Variants in KDM4C observed in about 807,000 individuals in gnomAD.
The protein encoded by KDM4C is lysine-specific demethylase 4C.
In KDM4C, 81 loss-of-function variants were observed where a neutral mutation model predicts 129.3. The observed-to-expected ratio is 0.63, with a 90% CI of 0.52 to 0.75. The LOEUF (loss-of-function observed/expected upper bound fraction) is 0.75, where lower values mean the gene tolerates loss of function less well. KDM4C is among the 30% of genes least tolerant of loss of function. KDM4C has a pLI of 0.00. For synonymous variants in KDM4C, 573 were observed against 456.1 expected, an observed-to-expected ratio of 1.26 and a Z score of -3.26; for missense variants, 1,457 against 1,304.0, an observed-to-expected ratio of 1.12 and a Z score of -1.81.
intron 11 of KDM4C, among the ~76,000 whole-genome samples, chr9:6,989,176 AT>A (rs1818291591): frequency 1.3e-5 from 2 of 152,138 alleles, no homozygotes; most frequent in South Asian, 4.1e-4. Flanking sequence ...TGCATTTGTC[AT>A]TCTTTTCTTA....
Position 7,105,930 on chromosome 9 carries a change from T to C in KDM4C, c.2610+2060T>C, listed in dbSNP as rs115620966. On this transcript the variant is annotated intron_variant, in intron 18 of 21. Coordinates refer to ENST00000381309, the MANE Select transcript of KDM4C (RefSeq NM_015061.6). ...GTCTCCTACAGATCCACTTTCAGCT[T>C]GGTATACTTTGTAAAGACTGGGGAA... is the stretch of plus-strand genomic sequence containing the variant. Among the ~76,000 whole-genome samples the C allele has an allele frequency of 4.6e-3, 706 of 152,308 alleles. 5 individuals carry two copies. Among genetic ancestry groups the C allele is most frequent in the African/African-American group, 0.016 (684 of 41,564 alleles).
At chr9:6,846,635 T>A (rs550373240) in intron 4 of KDM4C, among the ~76,000 whole-genome samples, 1 of 152,228 alleles carries the variant, frequency 6.6e-6, no homozygotes, top group Non-Finnish European at 1.5e-5. Flanking sequence ...AAATTACTTT[T>A]TAGCAACCTT....
chr9:7,009,872 C>T (rs906150159), intron 12 of KDM4C, among the ~76,000 whole-genome samples: 1 of 152,078 alleles, frequency 6.6e-6, no homozygotes, highest in Non-Finnish European at 1.5e-5. Context: ...GAACATTTCT[C>T]ATAGACTCAG....
At position 6,732,181 on chromosome 9, in the gene KDM4C, A is replaced by G. The variant is rs528085115; in HGVS notation, c.49+11184A>G. Among the ~76,000 whole-genome samples the G allele has an allele frequency of 2.2e-4, 34 of 151,616 alleles. 1 individual carries two copies. In the South Asian group the frequency reaches 5.5e-3, roughly 24 times the overall value. ...GGAGATTGAGACCATCCTGGCTAAC[A>G]CAGTGAAACCCCATCTTTACTAAAA... On this transcript the variant is annotated intron_variant, in intron 1 of 17. Transcript: ENST00000536108.
intron 17 of KDM4C, among the ~76,000 whole-genome samples, chr9:7,103,310 A>C (rs780471390): frequency 2.0e-5 from 3 of 152,196 alleles, no homozygotes; most frequent in Non-Finnish European, 4.4e-5. Flanking sequence ...GCACAGAAAG[A>C]CCTGTCATGC....
At chr9:6,766,371 A>G (rs921118856) in intron 1 of KDM4C, among the ~76,000 whole-genome samples, 2 of 152,102 alleles carry the variant, frequency 1.3e-5, no homozygotes, top group Non-Finnish European at 2.9e-5. Flanking sequence ...ACAAAAAGCT[A>G]TAATTTCAAG....
chr9:6,859,145 T>A (rs986622352), intron 5 of KDM4C, among the ~76,000 whole-genome samples: 1 of 152,136 alleles, frequency 6.6e-6, no homozygotes, highest in African/African-American at 2.4e-5. Flanking sequence ...AGTGAAGTCC[T>A]TTGATGTTTG....
intron 7 of KDM4C, among the ~76,000 whole-genome samples, chr9:6,892,551 C>G (rs974418980): frequency 6.6e-6 from 1 of 152,050 alleles, no homozygotes; most frequent in African/African-American, 2.4e-5. Flanking sequence ...ATTCTTTTAA[C>G]AGAAGTTTTA....
intron 17 of KDM4C, among the ~76,000 whole-genome samples, chr9:7,057,984 G>C (rs1246795890): frequency 6.6e-6 from 1 of 152,190 alleles, no homozygotes; most frequent in African/African-American, 2.4e-5. Context: ...GTACAGCTGG[G>C]AGTCTTCAGC....
chr9:6,911,569 A>G (rs190400727), intron 8 of KDM4C, among the ~76,000 whole-genome samples: 22 of 152,338 alleles, frequency 1.4e-4, no homozygotes, highest in African/African-American at 5.3e-4. Context: ...GATACATTTC[A>G]CTTCCTACCT....
chr9:6,769,697 A>G (rs761997802), intron 1 of KDM4C, among the ~76,000 whole-genome samples: 11 of 152,182 alleles, frequency 7.2e-5, no homozygotes, highest in African/African-American at 2.7e-4. Context: ...TCTCAATATC[A>G]TGCTACTGAA....
intron 1 of KDM4C, among the ~76,000 whole-genome samples, chr9:6,731,325 C>CTT (rs34724329): frequency 0.3 from 33,529 of 113,448 alleles, 5,960 homozygotes; most frequent in Admixed American, 0.37. Flanking sequence ...TTTTTTTTTG[C>CTT]TTTTTTTTTT....
At chr9:7,078,858 G>A (rs974317170) in intron 17 of KDM4C, among the ~76,000 whole-genome samples, 1 of 152,180 alleles carries the variant, frequency 6.6e-6, no homozygotes, top group African/African-American at 2.4e-5. Flanking sequence ...TTGACTGGGA[G>A]AATTCACAGG....
At chr9:7,036,989 C>G (rs1170553551) in intron 15 of KDM4C, among the ~76,000 whole-genome samples, 1 of 152,202 alleles carries the variant, frequency 6.6e-6, no homozygotes, top group African/African-American at 2.4e-5. Flanking sequence ...GGACACTTGT[C>G]ATTCAATTAT....
intron 20 of KDM4C, among the ~76,000 whole-genome samples, chr9:7,166,031 A>G (rs1844346358): frequency 6.6e-6 from 1 of 152,218 alleles, no homozygotes; most frequent in African/African-American, 2.4e-5. Flanking sequence ...AACAACATGG[A>G]TAGCACGTGC....
chr9:7,030,763 G>A (rs979789706), intron 15 of KDM4C, among the ~76,000 whole-genome samples: 6 of 152,070 alleles, frequency 3.9e-5, no homozygotes, highest in African/African-American at 1.4e-4. Flanking sequence ...GAATATTTAT[G>A]CTTGATAGTA....
intron 21 of KDM4C, chr9:7,170,257 G>T: frequency 1.8e-6 from 2 of 1,132,884 alleles, no homozygotes; most frequent in South Asian, 2.1e-5. Flanking sequence ...GTATTCAGGA[G>T]TAGATCAAAG....
chr9:7,168,409 C>T (rs1022472029), intron 20 of KDM4C, among the ~76,000 whole-genome samples: 11 of 152,078 alleles, frequency 7.2e-5, no homozygotes, highest in African/African-American at 1.9e-4. Context: ...TGATTACATC[C>T]GTTTTGTTTC....
At chr9:6,853,376 C>A (rs559543928) in intron 5 of KDM4C, among the ~76,000 whole-genome samples, 3 of 152,122 alleles carry the variant, frequency 2.0e-5, no homozygotes, top group East Asian at 3.9e-4. Flanking sequence ...CCTGTAGCCC[C>A]AGCTGATCGG....
Sources: gnomAD v4.1 joint callset for allele counts (sites outside exome capture counted in the v4.1 genomes callset) on GRCh38, gnomAD v4.1.1 for gene constraint, MANE v1.5 for transcripts, NCBI Gene and HGNC (gene_info 2026-07-23, HGNC 2026-07-21) for gene names.